Variants in CCNYL1 observed in about 807,000 individuals in gnomAD.
CCNYL1 encodes cyclin Y like 1, also known as cyclin-Y-like protein 1.
Under a neutral mutation model 44.2 loss-of-function variants are expected in CCNYL1, and 16 were observed. The observed-to-expected ratio is 0.36, with a 90% CI of 0.25 to 0.55. CCNYL1 has a LOEUF of 0.55. Among genes scored for constraint, CCNYL1 ranks in the 20% least tolerant of loss-of-function variants. The pLI is 0.85. For missense variants in CCNYL1, 348 were observed against 451.8 expected (o/e 0.77, Z 2.08); for synonymous variants, 159 against 163.2 (o/e 0.97, Z 0.20).
chr2:207,721,049 C>T (rs1050823948), intron 1 of CCNYL1, among the ~76,000 whole-genome samples: 10 of 152,024 alleles, frequency 6.6e-5, no homozygotes, highest in African/African-American at 2.2e-4. Flanking sequence ...ATGGGTGGAA[C>T]GTGTGAACTT....
chr2:207,745,865 CAGGG>C (rs1387792014), intron 7 of CCNYL1, among the ~76,000 whole-genome samples: 27 of 152,140 alleles, frequency 1.8e-4, no homozygotes, highest in Admixed American at 1.8e-3. Flanking sequence ...CGCTTGAACC[CAGGG>C]GGCAGAGGTT....
At chr2:207,750,218 C>A (rs1485705014) in intron 8 of CCNYL1, among the ~76,000 whole-genome samples, 1 of 152,166 alleles carries the variant, frequency 6.6e-6, no homozygotes, top group African/African-American at 2.4e-5. Context: ...TGGGTTTAGT[C>A]TAGCCAAGAC....
intron 1 of CCNYL1, among the ~76,000 whole-genome samples, chr2:207,716,945 G>A (rs542517710): frequency 1.1e-4 from 17 of 151,644 alleles, no homozygotes; most frequent in Non-Finnish European, 1.8e-4. Flanking sequence ...CCGTCTCTAC[G>A]AAAAATACAA....
chr2:207,728,056 C>T (rs373079163), intron 3 of CCNYL1, among the ~76,000 whole-genome samples: 5 of 151,798 alleles, frequency 3.3e-5, no homozygotes, highest in South Asian at 2.1e-4. Context: ...CTCTGCCTCC[C>T]GGGTTCAAGC....
At position 207,747,571 on chromosome 2, in the gene CCNYL1, C is replaced by T. The variant is rs565637154; in HGVS notation, c.806+358C>T. ...TTTTATTTTATTTTTTGTTTTGAGA[C>T]GGAGTCTTGCTCGGTTGCCTAGGCT... is the stretch of plus-strand genomic sequence containing the variant. On this transcript the variant is annotated intron_variant, in intron 8 of 9. Transcript: ENST00000295414. Among the ~76,000 whole-genome samples the T allele has an allele frequency of 5.9e-5, 9 of 152,216 alleles. No individual in the cohort carries two copies. In the South Asian group the frequency reaches 6.2e-4, roughly 11 times the overall value.
chr2:207,734,639 A>G (rs757162076), intron 4 of CCNYL1, among the ~76,000 whole-genome samples: 5 of 152,246 alleles, frequency 3.3e-5, no homozygotes, highest in Non-Finnish European at 5.9e-5. Flanking sequence ...ATCTCCTTGG[A>G]TTATGAGCGT....
intron 7 of CCNYL1, among the ~76,000 whole-genome samples, chr2:207,744,177 G>A (rs1240079395): frequency 3.9e-5 from 6 of 152,094 alleles, no homozygotes; most frequent in Admixed American, 6.5e-5. Flanking sequence ...AAGGTAAAGA[G>A]TGCTGGCATT....
Position 207,755,034 on chromosome 2 carries a change from C to A in CCNYL1, c.*1336C>A, listed in dbSNP as rs1209965362. ...TATAGGAATAGCTACTACACTCCAACCTGGACAACGTTATCAAGACCCCAT... is the reference window on the plus strand; with the variant it reads ...TATAGGAATAGCTACTACACTCCAAACTGGACAACGTTATCAAGACCCCAT... On this transcript the variant is annotated 3_prime_UTR_variant, in exon 10 of 10. Transcript: ENST00000295414. 6.6e-6 allele frequency: 1 copy of A among 151,804 alleles called. No homozygotes were observed. Among genetic ancestry groups the A allele is most frequent in the Non-Finnish European group, 1.5e-5 (1 of 67,990 alleles). 9.4% of individuals were successfully genotyped at this position (151,804 alleles called of 1,614,324 possible).
chr2:207,715,568 C>A (rs2091587305), intron 1 of CCNYL1, among the ~76,000 whole-genome samples: 1 of 150,028 alleles, frequency 6.7e-6, no homozygotes, highest in Non-Finnish European at 1.5e-5. Context: ...TTAGTAGAGA[C>A]AGGGTTTCAG....
At chr2:207,716,671 A>C (rs1382089076) in intron 1 of CCNYL1, among the ~76,000 whole-genome samples, 1 of 152,168 alleles carries the variant, frequency 6.6e-6, no homozygotes, top group Non-Finnish European at 1.5e-5. Flanking sequence ...CATCTTTTCT[A>C]GTAACATCAT....
At chr2:207,749,655 G>A (rs2091878136) in intron 8 of CCNYL1, among the ~76,000 whole-genome samples, 2 of 152,310 alleles carry the variant, frequency 1.3e-5, no homozygotes, top group South Asian at 2.1e-4. Context: ...ATTGTGAAGT[G>A]CATTTATTGC....
At chr2:207,714,062 A>T (rs1157186034) in intron 1 of CCNYL1, among the ~76,000 whole-genome samples, 2 of 152,182 alleles carry the variant, frequency 1.3e-5, no homozygotes, top group African/African-American at 2.4e-5. Context: ...CGTGTTGCTA[A>T]TGAAGAAATA....
intron 1 of CCNYL1, 148 bp from the exon 2 acceptor site, chr2:207,724,652 T>A: frequency 1.6e-6 from 1 of 632,244 alleles, no homozygotes; most frequent in Non-Finnish European, 2.8e-6. Flanking sequence ...CCCAGGAGTA[T>A]TTTTGTATTG....
At chr2:207,727,539 G>A (rs1353267837) in intron 3 of CCNYL1, among the ~76,000 whole-genome samples, 1 of 152,068 alleles carries the variant, frequency 6.6e-6, no homozygotes, top group South Asian at 2.1e-4. Flanking sequence ...TTTTTTGTGT[G>A]TGTGGAATTA....
chr2:207,729,288 G>A (rs868123405), intron 3 of CCNYL1, among the ~76,000 whole-genome samples: 57 of 25,128 alleles, frequency 2.3e-3, no homozygotes, highest in South Asian at 3.7e-3. Context: ...CCACCCCCCC[G>A]CACTCTCCCA....
intron 8 of CCNYL1, among the ~76,000 whole-genome samples, chr2:207,748,176 A>G (rs1193401259): frequency 2.0e-5 from 3 of 152,086 alleles, no homozygotes; most frequent in African/African-American, 7.2e-5. Flanking sequence ...ACCCCTCCCC[A>G]TTAGGAGTGT....
At chr2:207,736,744 A>C (rs993177446) in intron 4 of CCNYL1, among the ~76,000 whole-genome samples, 2 of 152,244 alleles carry the variant, frequency 1.3e-5, no homozygotes, top group Admixed American at 6.5e-5. Context: ...CTTAAAAAGC[A>C]AAAAATAAAA....
chr2:207,740,879 C>T (rs1559171003), intron 6 of CCNYL1, among the ~76,000 whole-genome samples, 173 bp downstream of exon 6: 2 of 152,160 alleles, frequency 1.3e-5, no homozygotes, highest in African/African-American at 4.8e-5. Flanking sequence ...TTCACTTCCT[C>T]AGGTATATGA....
intron 1 of CCNYL1, chr2:207,714,756 C>CAT (rs2091580111): frequency 6.5e-6 from 1 of 153,882 alleles, no homozygotes; most frequent in African/African-American, 2.4e-5. Context: ...ATGACAGTTA[C>CAT]ATTTTTATTT....
Sources: gnomAD v4.1 joint callset for allele counts (sites outside exome capture counted in the v4.1 genomes callset) on GRCh38, gnomAD v4.1.1 for gene constraint, MANE v1.5 for transcripts, NCBI Gene and HGNC (gene_info 2026-07-23, HGNC 2026-07-21) for gene names.